Variants in PFDN4 observed in about 807,000 individuals in gnomAD.
PFDN4 encodes prefoldin subunit 4.
A neutral mutation model predicts 17.6 loss-of-function variants in PFDN4; 6 were observed. The observed-to-expected ratio is 0.34, with a 90% CI of 0.19 to 0.67. The LOEUF (loss-of-function observed/expected upper bound fraction) is 0.67, where lower values mean the gene tolerates loss of function less well. Among genes scored for constraint, PFDN4 ranks in the 30% least tolerant of loss-of-function variants. The probability of loss-of-function intolerance (pLI) is 0.68; values close to 1 mark genes in which losing one functional copy is unlikely to be tolerated. For missense variants in PFDN4, 119 were observed against 158.4 expected, an observed-to-expected ratio of 0.75 and a Z score of 1.33; for synonymous variants, 48 against 51.1, an observed-to-expected ratio of 0.94 and a Z score of 0.26.
chr20:54,213,833 A>G (rs1442216333), intron 1 of PFDN4, among the ~76,000 whole-genome samples: 1 of 152,180 alleles, frequency 6.6e-6, no homozygotes, highest in Admixed American at 6.5e-5. Flanking sequence ...CCTTATTAAG[A>G]CATTTAAACA....
At position 54,219,124 on chromosome 20, in the gene PFDN4, A is replaced by T. The variant is rs1425427707; in HGVS notation, c.379A>T (p.Ile127Leu). The change falls in exon 4 of 4, where the codon ATA (isoleucine) becomes TTA (leucine). Residue 127 changes from isoleucine to leucine, a missense_variant. By Grantham distance (5) the Ile-to-Leu change is conservative. Transcript: ENST00000371419. ...GTTGTATGCAAAATTCGGGAGCAAC[A>T]TAAACCTTGAAGCTGATGAAAGTTA... ...VQLYAKFGSN[I>L]NLEADES 1 of 1,573,968 alleles carries T rather than the reference A, an allele frequency of 6.4e-7. No homozygotes were observed. Among genetic ancestry groups the T allele is most frequent in the Non-Finnish European group, 8.6e-7 (1 of 1,156,820 alleles).
At chr20:54,213,852 A>C (rs2092759157) in intron 1 of PFDN4, among the ~76,000 whole-genome samples, 1 of 152,208 alleles carries the variant, frequency 6.6e-6, no homozygotes, top group Non-Finnish European at 1.5e-5. Context: ...CAGGTCCTAC[A>C]TTATAAACAT....
intron 1 of PFDN4, among the ~76,000 whole-genome samples, chr20:54,213,768 A>G (rs1198073628): frequency 6.6e-6 from 1 of 152,234 alleles, no homozygotes; most frequent in Non-Finnish European, 1.5e-5. Flanking sequence ...ATCACATTAA[A>G]TATTAATTTT....
chr20:54,213,290 G>A, intron 1 of PFDN4, among the ~76,000 whole-genome samples: 1 of 152,208 alleles, frequency 6.6e-6, no homozygotes, highest in East Asian at 1.9e-4. Context: ...AAACCCTAAG[G>A]AGAGTCTGGT....
Position 54,215,429 on chromosome 20 carries a change from G to A in PFDN4, c.262G>A (p.Glu88Lys), listed in dbSNP as rs758714344. 1.3e-6 allele frequency: 2 copies of A among 1,598,938 alleles called. No individual in the cohort carries two copies. The highest frequency in any genetic ancestry group is 1.7e-6 in the Non-Finnish European group (2 of 1,171,052). ...TCAAGAAGAAACGCAAGAAATGTTA[G>A]AAGAAGCAAAGGTATGTTAAAGGTT... ...HSQEETQEML[E>K]EAKKNLQEEI... is the part of the protein sequence containing the mutation. Residue 88 changes from glutamate to lysine, a missense_variant, in exon 3 of 4, where the codon GAA becomes AAA. Around this residue, in one of 3 missense-constraint regions of PFDN4, gnomAD observed 81 missense variants for 111.7 expected, o/e 0.73. Transcript: ENST00000371419.
At chr20:54,211,767 C>T (rs2092756120) in intron 1 of PFDN4, among the ~76,000 whole-genome samples, 1 of 152,170 alleles carries the variant, frequency 6.6e-6, no homozygotes. Flanking sequence ...TTGTGGATCC[C>T]TTTGAGAATC....
intron 1 of PFDN4, among the ~76,000 whole-genome samples, chr20:54,210,936 T>C (rs1458927631): frequency 6.6e-6 from 1 of 152,142 alleles, no homozygotes; most frequent in East Asian, 1.9e-4. Flanking sequence ...AATACAAAAA[T>C]TAGCTGGGCA....
At chr20:54,212,087 G>A (rs1601174455) in intron 1 of PFDN4, among the ~76,000 whole-genome samples, 2 of 152,084 alleles carry the variant, frequency 1.3e-5, no homozygotes, top group African/African-American at 4.8e-5. Flanking sequence ...CAGCTACTTG[G>A]GAGGCTGAGG....
intron 3 of PFDN4, among the ~76,000 whole-genome samples, chr20:54,215,972 A>C (rs1035351332): frequency 5.9e-5 from 9 of 152,222 alleles, no homozygotes; most frequent in African/African-American, 2.2e-4. Flanking sequence ...CCTGGCACAC[A>C]GGCCTTTAAA....
intron 3 of PFDN4, among the ~76,000 whole-genome samples, chr20:54,217,661 A>G (rs1428947047): frequency 2.6e-5 from 4 of 152,198 alleles, no homozygotes; most frequent in African/African-American, 9.7e-5. Context: ...GTCCCAGAGC[A>G]AAGAGGAGCC....
intron 1 of PFDN4, among the ~76,000 whole-genome samples, chr20:54,213,994 A>G (rs6023040): frequency 6.6e-6 from 1 of 152,070 alleles, no homozygotes; most frequent in Non-Finnish European, 1.5e-5. Context: ...TTGACCATGT[A>G]ACTTTTTGTT....
chr20:54,219,058 G>A lies in PFDN4; in HGVS notation c.313G>A (p.Val105Met), dbSNP rs766719062. ...QEEIDALESR[V>M]ESIQRVLADL... ...AGAAATTGACGCCTTAGAATCCAGA[G>A]TGGAATCAATTCAGCGAGTGTTAGC... Residue 105 changes from valine (V) to methionine (M), a missense_variant, in exon 4 of 4, where the codon GTG becomes ATG. By Grantham distance (21) the Val-to-Met change is conservative (BLOSUM62 1). Around this residue, in one of 3 missense-constraint regions of PFDN4, gnomAD observed 81 missense variants for 111.7 expected, o/e 0.73. Coordinates refer to ENST00000371419, the MANE Select transcript of PFDN4 (RefSeq NM_002623.4). 83 of 1,582,714 alleles carry A rather than the reference G, an allele frequency of 5.2e-5. 1 individual carries two copies. The South Asian group carries it at 9.2e-4, about 18-fold the overall frequency.
At chr20:54,211,597 A>G (rs1447033970) in intron 1 of PFDN4, among the ~76,000 whole-genome samples, 1 of 152,178 alleles carries the variant, frequency 6.6e-6, no homozygotes, top group Admixed American at 6.5e-5. Flanking sequence ...AATTTGCCCA[A>G]GGTTCCTGTT....
chr20:54,217,469 G>A lies in PFDN4; in HGVS notation c.274-1550G>A, dbSNP rs146175549. 5.9e-3 allele frequency among the ~76,000 whole-genome samples: 904 copies of A among 152,242 alleles called. 6 individuals carry two copies. The highest frequency in any genetic ancestry group is 8.9e-3 in the Admixed American group (136 of 15,298). On this transcript the variant is annotated intron_variant, in intron 3 of 3. Transcript: ENST00000371419. ...AGAAATTGTACTTTGTCTTAGCAGG[G>A]GTCAGCAAACTTTCTGTGAAGGGCC... is the stretch of plus-strand genomic sequence containing the variant.
At chr20:54,216,485 T>C (rs974302404) in intron 3 of PFDN4, among the ~76,000 whole-genome samples, 2 of 152,208 alleles carry the variant, frequency 1.3e-5, no homozygotes, top group African/African-American at 4.8e-5. Flanking sequence ...TATGTTTAAA[T>C]CTTTTCTTCT....
At position 54,219,816 on chromosome 20, in the gene PFDN4, T is replaced by C. The variant is rs916289310; in HGVS notation, c.*666T>C. On this transcript the variant is annotated 3_prime_UTR_variant, in exon 4 of 4. Coordinates refer to ENST00000371419, the MANE Select transcript of PFDN4 (RefSeq NM_002623.4). ...ATGTGCAGAAAGAAATGTTTAGTGTTTTTTCGTTTTAAATTTTAGATTTTA... is the reference window on the plus strand; with the variant it reads ...ATGTGCAGAAAGAAATGTTTAGTGTCTTTTCGTTTTAAATTTTAGATTTTA... 5.0e-6 allele frequency: 2 copies of C among 397,974 alleles called. No individual in the cohort carries two copies. Among genetic ancestry groups the C allele is most frequent in the African/African-American group, 4.1e-5 (2 of 48,584 alleles). The allele number at this position is 397,974 out of a possible 1,614,324, so 24.7% of individuals were successfully genotyped here.
chr20:54,215,122 T>A (rs1031406899), intron 2 of PFDN4, among the ~76,000 whole-genome samples, 178 bp from the exon 3 acceptor site: 25 of 152,260 alleles, frequency 1.6e-4, no homozygotes, highest in African/African-American at 5.1e-4. Flanking sequence ...TAGGTAGCTC[T>A]AAGTGCTTGC....
Position 54,219,893 on chromosome 20 carries a change from TA to T in PFDN4, c.*746del. 1 of 392,926 alleles carries T rather than the reference TA, an allele frequency of 2.5e-6. No homozygotes were observed. The highest frequency in any genetic ancestry group is 4.5e-6 in the Non-Finnish European group (1 of 223,054). 24.3% of individuals were successfully genotyped at this position (392,926 alleles called of 1,614,324 possible). A position where few individuals can be genotyped will look rare whatever the true frequency, so the allele number is the denominator to read the frequency against. On this transcript the variant is annotated 3_prime_UTR_variant, in exon 4 of 4. Transcript: ENST00000371419. Reference sequence around the variant, plus strand: ...TTTATATTGATAAAGATGTGGAAGTTAAACAGCTATGTATGTAAAAGTAAGG... The same window carrying T: ...TTTATATTGATAAAGATGTGGAAGTTAACAGCTATGTATGTAAAAGTAAGG...
chr20:54,215,528 T>G, intron 3 of PFDN4, 88 bp downstream of exon 3: 4 of 795,116 alleles, frequency 5.0e-6, no homozygotes, highest in Non-Finnish European at 5.8e-6. Context: ...AGATGCTAGC[T>G]ATAGCTAATA....
Sources: gnomAD v4.1 joint callset for allele counts (sites outside exome capture counted in the v4.1 genomes callset) on GRCh38, gnomAD v4.1.1 for gene constraint, gnomAD v4.1.1 regional missense constraint, MANE v1.5 for transcripts, NCBI Gene and HGNC (gene_info 2026-07-23, HGNC 2026-07-21) for gene names.